The following TASP1 variants were observed in gnomAD, a reference collection of about 807,000 sequenced individuals.
The protein encoded by TASP1 is threonine aspartase 1.
In TASP1, 16 loss-of-function variants were observed where a neutral mutation model predicts 56.6. That is an observed-to-expected ratio of 0.28 (90% CI 0.19 to 0.43). The LOEUF is 0.43. Among genes scored for constraint, TASP1 ranks in the 20% least tolerant of loss-of-function variants. The probability of loss-of-function intolerance (pLI) is 1.00; values close to 1 mark genes in which losing one functional copy is unlikely to be tolerated. For missense variants in TASP1, 393 were observed against 511.6 expected, an observed-to-expected ratio of 0.77 and a Z score of 2.24; for synonymous variants, 179 against 184.2, an observed-to-expected ratio of 0.97 and a Z score of 0.23.
chr20:13,268,360 CT>C, the TASP1 span, among the ~76,000 whole-genome samples: 1 of 36,768 alleles, frequency 2.7e-5, no homozygotes, highest in African/African-American at 2.2e-4. Context: ...CTCTCTCTCT[CT>C]CTCTCTCTCT....
chr20:13,117,718 G>A, the TASP1 span: 1 of 1,610,390 alleles, frequency 6.2e-7, no homozygotes, highest in South Asian at 1.1e-5. Flanking sequence ...TACATAGCTG[G>A]AAGGAAGGTA....
intron 10 of TASP1, among the ~76,000 whole-genome samples, chr20:13,520,021 A>C (rs1278461840): frequency 6.6e-6 from 1 of 152,224 alleles, no homozygotes; most frequent in African/African-American, 2.4e-5. Flanking sequence ...TCCCATTCAC[A>C]ATTGCTTCAA....
intron 10 of TASP1, among the ~76,000 whole-genome samples, 196 bp from the exon 11 acceptor site, chr20:13,483,533 T>C: frequency 6.6e-6 from 1 of 152,114 alleles, no homozygotes; most frequent in Non-Finnish European, 1.5e-5. Context: ...AAACACAAAG[T>C]TTATCAATCA....
the TASP1 span, among the ~76,000 whole-genome samples, chr20:13,209,441 T>C: frequency 7.9e-4 from 120 of 152,328 alleles, no homozygotes; most frequent in African/African-American, 2.8e-3. Flanking sequence ...TATATCATAA[T>C]TGAATTGTAC....
At chr20:13,106,098 T>A in the TASP1 span, among the ~76,000 whole-genome samples, 1 of 152,222 alleles carries the variant, frequency 6.6e-6, no homozygotes, top group East Asian at 1.9e-4. Context: ...AAAATATCTA[T>A]CTGCTCGTTT....
intron 4 of TASP1, among the ~76,000 whole-genome samples, chr20:13,594,448 T>C (rs539693494): frequency 6.6e-6 from 1 of 152,272 alleles, no homozygotes; most frequent in African/African-American, 2.4e-5. Context: ...GAGCATGTTC[T>C]AACACATCGC....
At chr20:13,122,244 A>C in the TASP1 span, among the ~76,000 whole-genome samples, 1 of 152,336 alleles carries the variant, frequency 6.6e-6, no homozygotes, top group South Asian at 2.1e-4. Flanking sequence ...AGGAAGTTTC[A>C]GTCCCTTTTG....
chr20:13,307,347 T>A, the TASP1 span, among the ~76,000 whole-genome samples: 3 of 152,154 alleles, frequency 2.0e-5, no homozygotes. Context: ...CACGGCTCAA[T>A]GAATTTTCAC....
chr20:13,344,700 T>G, the TASP1 span, among the ~76,000 whole-genome samples: 1 of 152,130 alleles, frequency 6.6e-6, no homozygotes, highest in East Asian at 1.9e-4. Flanking sequence ...TGAAGCCAAG[T>G]TCCCCGGCAT....
chr20:13,122,319 C>T, the TASP1 span, among the ~76,000 whole-genome samples: 3 of 152,130 alleles, frequency 2.0e-5, no homozygotes, highest in Admixed American at 2.0e-4. Flanking sequence ...TGATTTAGTA[C>T]CATATAGATG....
downstream of TASP1, among the ~76,000 whole-genome samples, chr20:13,387,262 C>T (rs545270223): frequency 4.5e-5 from 6 of 134,126 alleles, no homozygotes; most frequent in Admixed American, 2.6e-4. Flanking sequence ...GGCGTGATCT[C>T]GGCTCACTGC....
At chr20:13,170,300 A>T in the TASP1 span, among the ~76,000 whole-genome samples, 3 of 152,208 alleles carry the variant, frequency 2.0e-5, no homozygotes, top group Admixed American at 2.0e-4. Context: ...CTTCCTTATC[A>T]AATCAATTTT....
intron 11 of TASP1, among the ~76,000 whole-genome samples, chr20:13,455,720 G>C (rs1202723559): frequency 1.3e-5 from 2 of 152,156 alleles, no homozygotes; most frequent in East Asian, 3.9e-4. Context: ...GATTACAGAG[G>C]ACTGACAATT....
chr20:13,185,110 A>C, the TASP1 span, among the ~76,000 whole-genome samples: 25 of 152,214 alleles, frequency 1.6e-4, no homozygotes, highest in Non-Finnish European at 3.7e-4. Flanking sequence ...TGAGAAGACA[A>C]TAATTTCATA....
At chr20:13,230,265 G>C in the TASP1 span, among the ~76,000 whole-genome samples, 1 of 152,072 alleles carries the variant, frequency 6.6e-6, no homozygotes, top group African/African-American at 2.4e-5. Context: ...AATCTTTTAC[G>C]CTACATGTTA....
chr20:13,429,631 TGTGTCTGTCTGTGTGTGTGC>T (rs1165802756), intron 12 of TASP1, among the ~76,000 whole-genome samples: 2 of 138,762 alleles, frequency 1.4e-5, no homozygotes, highest in Non-Finnish European at 3.1e-5. Flanking sequence ...TGTGTGTGTG[TGTGTCTGTCTGTGTGTGTGC>T]CTGTCTGTGT....
chr20:13,597,418 C>G (rs2047779370), intron 4 of TASP1, among the ~76,000 whole-genome samples: 1 of 152,132 alleles, frequency 6.6e-6, no homozygotes, highest in African/African-American at 2.4e-5. Context: ...ATAAATAGAA[C>G]CAACAACAAA....
At chr20:13,336,151 C>T in the TASP1 span, among the ~76,000 whole-genome samples, 1 of 152,010 alleles carries the variant, frequency 6.6e-6, no homozygotes, top group Non-Finnish European at 1.5e-5. Flanking sequence ...TCCAGGGGGC[C>T]CAAAGGAGAA....
At chr20:13,574,970 C>G (rs2046846484) in intron 6 of TASP1, among the ~76,000 whole-genome samples, 1 of 151,938 alleles carries the variant, frequency 6.6e-6, no homozygotes, top group South Asian at 2.1e-4. Context: ...AAATATATAT[C>G]CCCACACATC....
Sources: gnomAD v4.1 joint callset for allele counts (sites outside exome capture counted in the v4.1 genomes callset) on GRCh38, gnomAD v4.1.1 for gene constraint, MANE v1.5 for transcripts, NCBI Gene and HGNC (gene_info 2026-07-23, HGNC 2026-07-21) for gene names.